Variants in ARID4A observed in about 807,000 individuals in gnomAD.
ARID4A encodes AT-rich interaction domain 4A, also known as AT-rich interactive domain-containing protein 4A.
ARID4A carries 39 observed loss-of-function variants against 148.6 expected under a neutral mutation model. The observed-to-expected ratio is 0.26, with a 90% CI of 0.20 to 0.34. The LOEUF (loss-of-function observed/expected upper bound fraction) is 0.34. Ranked by LOEUF, ARID4A falls within the 10% of genes least tolerant of loss-of-function variation. The probability of loss-of-function intolerance (pLI) is 1.00; values close to 1 mark genes in which losing one functional copy is unlikely to be tolerated. For synonymous variants in ARID4A, 475 were observed against 481.2 expected (o/e 0.99, Z 0.17); for missense variants, 1,265 against 1,449.1 (o/e 0.87, Z 2.06).
chr14:58,368,723 C>T (rs766653171), intron 23 of ARID4A, among the ~76,000 whole-genome samples: 1 of 151,830 alleles, frequency 6.6e-6, no homozygotes, highest in Non-Finnish European at 1.5e-5. Flanking sequence ...AATGAAATAT[C>T]TTGGTGATGG....
rs75711232 is a variant in ARID4A, at chr14:58,358,785, G to A, written c.1854-347G>A. Among the ~76,000 whole-genome samples the A allele has an allele frequency of 2.4e-3, 365 of 152,264 alleles. 7 individuals are homozygous for A. In the East Asian group the frequency reaches 0.048, roughly 20 times the overall value. On this transcript the variant is annotated intron_variant, in intron 17 of 23. Coordinates refer to ENST00000355431, the MANE Select transcript of ARID4A (RefSeq NM_002892.4). Reference sequence around the variant, plus strand: ...CTTTCTATTATTCATTCAATAGCACGAATTCTATTGCAGATCTGATTATAA... The same window carrying A: ...CTTTCTATTATTCATTCAATAGCACAAATTCTATTGCAGATCTGATTATAA...
rs749361706 is a variant in ARID4A at position 58,318,707 on chromosome 14, A to G, written c.355-4A>G. The stretch of plus-strand genomic sequence containing the variant: ...GTAATTTAATTAATCTATTTCTTAT[A>G]CAGACACTTGACCAGCTTCCATTAA... On this transcript the variant is annotated splice_region_variant and splice_polypyrimidine_tract_variant and intron_variant, in intron 6 of 23. Transcript: ENST00000355431. 1 of 1,613,920 alleles carries G rather than the reference A, an allele frequency of 6.2e-7. No individual in the cohort carries two copies. The highest frequency in any genetic ancestry group is 1.3e-5 in the African/African-American group (1 of 75,064).
In ARID4A at chr14:58,341,269, T is replaced by C. The variant is rs539914195; in HGVS notation, c.907-3426T>C. On this transcript the variant is annotated intron_variant, in intron 11 of 23. Coordinates refer to ENST00000355431, the MANE Select transcript of ARID4A (RefSeq NM_002892.4). ...AATCTGATCTAATTCTCTTTAGCTG[T>C]CTCAAGCTTCACATCTAGCCACAGT... Among the ~76,000 whole-genome samples, 25 of 152,370 alleles carry C rather than the reference T, an allele frequency of 1.6e-4. No individual in the cohort carries two copies. The South Asian group carries it at 5.0e-3, about 30-fold the overall frequency.
intron 3 of ARID4A, among the ~76,000 whole-genome samples, chr14:58,302,107 A>C (rs4316672): frequency 0.7 from 106,553 of 151,670 alleles, 37,788 homozygotes; most frequent in Middle Eastern, 0.87. Flanking sequence ...CCTGTAATCC[A>C]AGCACTTTGG....
chr14:58,340,498 C>A (rs1164197314), intron 11 of ARID4A, among the ~76,000 whole-genome samples: 2 of 152,088 alleles, frequency 1.3e-5, no homozygotes, highest in African/African-American at 2.4e-5. Context: ...TACAGGCGCA[C>A]AACGCCACGC....
At chr14:58,369,057 A>G (rs767361812) in intron 23 of ARID4A, among the ~76,000 whole-genome samples, 12 of 152,200 alleles carry the variant, frequency 7.9e-5, no homozygotes, top group Non-Finnish European at 1.6e-4. Flanking sequence ...AAAAAATAAT[A>G]AGGCAGTGAA....
At chr14:58,331,860 T>C (rs1034795388) in intron 11 of ARID4A, among the ~76,000 whole-genome samples, 1 of 150,020 alleles carries the variant, frequency 6.7e-6, no homozygotes, top group African/African-American at 2.5e-5. Flanking sequence ...GTGTGAACTG[T>C]TGCAAATCTG....
At position 58,330,097 on chromosome 14, in the gene ARID4A, T is replaced by C; in HGVS notation, c.834T>C (p.Asp278=). 1 of 1,613,508 alleles carries C rather than the reference T, an allele frequency of 6.2e-7. No homozygotes were observed. The highest frequency in any genetic ancestry group is 8.5e-7 in the Non-Finnish European group (1 of 1,179,820). Residue 278 remains aspartate (D), a synonymous_variant, in exon 11 of 24, where the codon GAT becomes GAC. Transcript: ENST00000355431. ...AAATCCTTGAGTCATCCAGTAGTGATGATGAAGATGGCCCAGCTGAAGAAA... is the reference window on the plus strand; with the variant it reads ...AAATCCTTGAGTCATCCAGTAGTGACGATGAAGATGGCCCAGCTGAAGAAA... ...ISEILESSSS[D]DEDGPAEEND...
Position 58,365,640 on chromosome 14 carries a change from C to G in ARID4A, c.3316+18C>G, listed in dbSNP as rs1018064969. On this transcript the variant is annotated intron_variant, in intron 21 of 23. Coordinates refer to ENST00000355431, the MANE Select transcript of ARID4A (RefSeq NM_002892.4). ...TGGAACAGGTTGGTGTCTTTCAATG[C>G]TAGCTTTTGTATAGTGTTAGTATTT... The G allele has an allele frequency of 1.3e-6, 2 of 1,598,106 alleles. No individual in the cohort carries two copies. Among genetic ancestry groups the G allele is most frequent in the African/African-American group, 2.7e-5 (2 of 74,472 alleles).
chr14:58,308,892 CAA>C (rs1467506881), intron 5 of ARID4A, among the ~76,000 whole-genome samples: 5 of 152,148 alleles, frequency 3.3e-5, no homozygotes, highest in African/African-American at 9.6e-5. Flanking sequence ...AAAAATAAAA[CAA>C]GAGGATACCA....
chr14:58,306,498 T>C (rs529748367), intron 5 of ARID4A, among the ~76,000 whole-genome samples: 1 of 152,362 alleles, frequency 6.6e-6, no homozygotes, highest in South Asian at 2.1e-4. Context: ...ATTTACAGAT[T>C]TAAAAAATCC....
At chr14:58,339,566 A>G (rs1395170438) in intron 11 of ARID4A, among the ~76,000 whole-genome samples, 1 of 152,126 alleles carries the variant, frequency 6.6e-6, no homozygotes, top group Non-Finnish European at 1.5e-5. Flanking sequence ...CTATCTGTCC[A>G]CCTTCCTAAT....
At chr14:58,338,365 C>T (rs1424544615) in intron 11 of ARID4A, among the ~76,000 whole-genome samples, 4 of 152,100 alleles carry the variant, frequency 2.6e-5, no homozygotes, top group African/African-American at 4.8e-5. Flanking sequence ...CTATTGGATT[C>T]GCTGCTTCCT....
intron 2 of ARID4A, 122 bp downstream of exon 2, chr14:58,299,982 C>T: frequency 7.1e-7 from 1 of 1,400,092 alleles, no homozygotes; most frequent in Non-Finnish European, 1.0e-6. Context: ...TCAGCAGTTT[C>T]GGCATAGGAG....
intron 11 of ARID4A, among the ~76,000 whole-genome samples, chr14:58,343,375 T>C (rs1175370609): frequency 6.6e-6 from 1 of 152,172 alleles, no homozygotes; most frequent in African/African-American, 2.4e-5. Flanking sequence ...TGCCTCATGG[T>C]TTTTTATTAT....
intron 8 of ARID4A, among the ~76,000 whole-genome samples, chr14:58,324,441 AT>A (rs1475348020): frequency 6.6e-6 from 1 of 151,586 alleles, no homozygotes; most frequent in African/African-American, 2.4e-5. Flanking sequence ...ACACCTGGCT[AT>A]TTTTTTATTT....
At chr14:58,369,163 A>G (rs570650305) in intron 23 of ARID4A, among the ~76,000 whole-genome samples, 1 of 152,350 alleles carries the variant, frequency 6.6e-6, no homozygotes, top group East Asian at 1.9e-4. Flanking sequence ...TCTGAATCAT[A>G]GGATTTCTAG....
chr14:58,309,337 G>GT (rs1803602245), intron 5 of ARID4A, among the ~76,000 whole-genome samples: 1 of 152,058 alleles, frequency 6.6e-6, no homozygotes, highest in South Asian at 2.1e-4. Flanking sequence ...TTTTGTTTCT[G>GT]TTTTTTGAGC....
rs962569547 is a variant in ARID4A, at chr14:58,373,129, T to G, written c.*1140T>G. 1.2e-4 allele frequency: 23 copies of G among 198,556 alleles called. No individual in the cohort carries two copies. The highest frequency in any genetic ancestry group is 2.4e-4 in the Non-Finnish European group (23 of 95,818). 12.3% of individuals were successfully genotyped at this position (198,556 alleles called of 1,614,324 possible). Reference sequence around the variant, plus strand: ...TGGCAGTCCTAGTATTTAAACTGTTTTGAGGATCAAATTTTTGGTTGCCCT... The same window carrying G: ...TGGCAGTCCTAGTATTTAAACTGTTGTGAGGATCAAATTTTTGGTTGCCCT... On this transcript the variant is annotated 3_prime_UTR_variant, in exon 24 of 24. Coordinates refer to ENST00000355431, the MANE Select transcript of ARID4A (RefSeq NM_002892.4).
Sources: gnomAD v4.1 joint callset for allele counts (sites outside exome capture counted in the v4.1 genomes callset) on GRCh38, gnomAD v4.1.1 for gene constraint, MANE v1.5 for transcripts, NCBI Gene and HGNC (gene_info 2026-07-23, HGNC 2026-07-21) for gene names.